DACH1: variants seen among roughly 807,000 people sequenced by gnomAD.
DACH1 encodes dachshund homolog 1.
In DACH1, 12 loss-of-function variants were observed where a neutral mutation model predicts 54.2. The observed-to-expected ratio is 0.22, with a 90% CI of 0.14 to 0.36. The LOEUF is 0.36. Ranked by LOEUF, DACH1 falls within the 10% of genes least tolerant of loss-of-function variation. DACH1 has a pLI of 1.00. For synonymous variants in DACH1, 386 were observed against 366.2 expected (o/e 1.05, Z -0.62); for missense variants, 805 against 929.8 (o/e 0.87, Z 1.75).
chr13:71,695,996 G>C (rs1283178437), intron 1 of DACH1, among the ~76,000 whole-genome samples: 2 of 152,138 alleles, frequency 1.3e-5, no homozygotes, highest in Non-Finnish European at 2.9e-5. Flanking sequence ...TAATTTAATA[G>C]GTTTTTATGA....
chr13:71,691,706 T>C (rs1881485522), intron 1 of DACH1, among the ~76,000 whole-genome samples: 1 of 152,226 alleles, frequency 6.6e-6, no homozygotes, highest in African/African-American at 2.4e-5. Context: ...CATGTTAATG[T>C]AGTCAACAAA....
intron 6 of DACH1, among the ~76,000 whole-genome samples, chr13:71,490,563 A>G (rs1566292703): frequency 6.6e-6 from 1 of 152,226 alleles, no homozygotes; most frequent in Non-Finnish European, 1.5e-5. Flanking sequence ...TACTAGAGGA[A>G]GAAACAGAGT....
At chr13:71,782,043 C>T (rs1044512753) in intron 1 of DACH1, among the ~76,000 whole-genome samples, 2 of 152,216 alleles carry the variant, frequency 1.3e-5, no homozygotes, top group Non-Finnish European at 2.9e-5. Context: ...CTGTAACTAT[C>T]TCATCATCCT....
chr13:71,505,550 G>C (rs1403256821), intron 6 of DACH1, among the ~76,000 whole-genome samples: 1 of 147,828 alleles, frequency 6.8e-6, no homozygotes, highest in East Asian at 1.9e-4. Flanking sequence ...CATACACTTA[G>C]TTACATAAGT....
intron 1 of DACH1, among the ~76,000 whole-genome samples, chr13:71,682,924 T>G (rs1185003797): frequency 6.6e-6 from 1 of 152,172 alleles, no homozygotes; most frequent in East Asian, 1.9e-4. Flanking sequence ...ATCATAAATG[T>G]GCTTTATGAA....
At chr13:71,630,766 T>A in intron 2 of DACH1, 49 bp from the exon 3 acceptor site, 1 of 1,507,086 alleles carries the variant, frequency 6.6e-7, no homozygotes, top group Non-Finnish European at 8.8e-7. Flanking sequence ...TGATTTTTCA[T>A]TTAATAGTTC....
At chr13:71,798,009 C>A (rs2138114496) in intron 1 of DACH1, among the ~76,000 whole-genome samples, 1 of 152,096 alleles carries the variant, frequency 6.6e-6, no homozygotes, top group South Asian at 2.1e-4. Context: ...TTTTTAAACT[C>A]CACTTTAAGT....
intron 2 of DACH1, among the ~76,000 whole-genome samples, chr13:71,632,479 T>C (rs567475894): frequency 6.6e-6 from 1 of 151,388 alleles, no homozygotes; most frequent in Admixed American, 6.6e-5. Flanking sequence ...GCTCCAGCCG[T>C]TCGAATTTAT....
At chr13:71,762,768 C>CAAAA (rs34543654) in intron 1 of DACH1, among the ~76,000 whole-genome samples, 168 of 70,970 alleles carry the variant, frequency 2.4e-3, no homozygotes, top group Non-Finnish European at 3.0e-3. Flanking sequence ...AACTTTGTCT[C>CAAAA]AAAAAAAAAA....
chr13:71,559,335 G>A (rs1364421569), intron 5 of DACH1, among the ~76,000 whole-genome samples: 1 of 152,082 alleles, frequency 6.6e-6, no homozygotes, highest in Non-Finnish European at 1.5e-5. Context: ...TTGACCACCT[G>A]AATGACTTAG....
At chr13:71,598,707 A>T (rs972232343) in intron 3 of DACH1, among the ~76,000 whole-genome samples, 2 of 152,190 alleles carry the variant, frequency 1.3e-5, no homozygotes, top group Non-Finnish European at 2.9e-5. Context: ...ACCACTCTGT[A>T]TTCGAAAATT....
At chr13:71,787,700 C>T (rs1448229944) in intron 1 of DACH1, among the ~76,000 whole-genome samples, 1 of 152,192 alleles carries the variant, frequency 6.6e-6, no homozygotes, top group Non-Finnish European at 1.5e-5. Context: ...TTACTAGGCA[C>T]TGAACTTAGT....
chr13:71,467,138 GTTTAA>G (rs1876652505), intron 10 of DACH1, among the ~76,000 whole-genome samples: 1 of 151,736 alleles, frequency 6.6e-6, no homozygotes, highest in South Asian at 2.1e-4. Flanking sequence ...ATCACGTATA[GTTTAA>G]TTTATGTAAG....
intron 1 of DACH1, among the ~76,000 whole-genome samples, chr13:71,765,700 A>G (rs1249972205): frequency 6.6e-6 from 1 of 151,988 alleles, no homozygotes; most frequent in African/African-American, 2.4e-5. Context: ...TTCATACACT[A>G]TTTTATTTAC....
At chr13:71,847,802 C>A (rs984203717) in intron 1 of DACH1, among the ~76,000 whole-genome samples, 10 of 152,138 alleles carry the variant, frequency 6.6e-5, no homozygotes, top group African/African-American at 2.2e-4. Flanking sequence ...ACATAAGGCA[C>A]TGCAATCAAT....
intron 6 of DACH1, among the ~76,000 whole-genome samples, chr13:71,509,204 C>T (rs1338380556): frequency 2.0e-5 from 3 of 152,108 alleles, no homozygotes; most frequent in Admixed American, 2.0e-4. Flanking sequence ...AAACTTTCAG[C>T]ATGATTTTGA....
chr13:71,666,201 G>T (rs770108908), intron 2 of DACH1, among the ~76,000 whole-genome samples: 5 of 152,110 alleles, frequency 3.3e-5, no homozygotes, highest in Non-Finnish European at 5.9e-5. Flanking sequence ...AAAATTAAAT[G>T]CAAATGTAAC....
At chr13:71,528,494 T>C (rs866293904) in intron 6 of DACH1, among the ~76,000 whole-genome samples, 117 of 149,164 alleles carry the variant, frequency 7.8e-4, no homozygotes, top group African/African-American at 2.5e-3. Flanking sequence ...GTGGCGTGAT[T>C]TCGGCTCACT....
intron 6 of DACH1, among the ~76,000 whole-genome samples, chr13:71,541,578 T>C (rs1242194578): frequency 6.6e-6 from 1 of 152,106 alleles, no homozygotes; most frequent in East Asian, 1.9e-4. Flanking sequence ...ACATATCTTA[T>C]TCTATAGGTT....
Sources: allele counts gnomAD v4.1 joint callset (sites outside exome capture counted in the v4.1 genomes callset), GRCh38; gene constraint gnomAD v4.1.1; transcripts MANE v1.5; gene names NCBI Gene and HGNC (gene_info 2026-07-23, HGNC 2026-07-21).